Variants in MAP3K8 observed in about 807,000 individuals in gnomAD.
The protein encoded by MAP3K8 is mitogen-activated protein kinase kinase kinase 8, also known as Ewing sarcoma transformant.
Under a neutral mutation model 45.8 loss-of-function variants are expected in MAP3K8, and 22 were observed. That is an observed-to-expected ratio of 0.48 (90% CI 0.34 to 0.69). The LOEUF (loss-of-function observed/expected upper bound fraction) is 0.69. Ranked by LOEUF, MAP3K8 falls within the 30% of genes least tolerant of loss-of-function variation. The pLI is 0.01. For missense variants in MAP3K8, 419 were observed against 585.0 expected, an observed-to-expected ratio of 0.72 and a Z score of 2.93; for synonymous variants, 223 against 214.3, an observed-to-expected ratio of 1.04 and a Z score of -0.36.
At chr10:30,435,248 A>C (rs1835874352) in intron 1 of MAP3K8, among the ~76,000 whole-genome samples, 1 of 152,188 alleles carries the variant, frequency 6.6e-6, no homozygotes, top group African/African-American at 2.4e-5. Flanking sequence ...GTTGCTTTAC[A>C]TACCTGTGGC....
chr10:30,437,283 G>A lies in MAP3K8; in HGVS notation c.-147G>A, dbSNP rs1835945309. On this transcript the variant is annotated 5_prime_UTR_variant, in exon 2 of 9. Coordinates refer to ENST00000263056, the MANE Select transcript of MAP3K8 (RefSeq NM_005204.4). ...TCTGCAAAGCCAGGAGTCTGACTCA[G>A]TACTTTTCTCACTCATGCATACAAA... 13 of 985,262 alleles carry A rather than the reference G, an allele frequency of 1.3e-5. No individual in the cohort carries two copies. In the South Asian group the frequency reaches 4.2e-4, roughly 32 times the overall value. 61.0% of individuals were successfully genotyped at this position (985,262 alleles called of 1,614,324 possible).
chr10:30,458,273 G>GGC (rs757764630), intron 7 of MAP3K8, 37 bp downstream of exon 7: 17 of 1,364,626 alleles, frequency 1.2e-5, no homozygotes, highest in East Asian at 2.7e-5. Context: ...GGCGGCGGGG[G>GGC]GGGGCGTTGA....
At chr10:30,435,209 T>TA (rs1180267009) in intron 1 of MAP3K8, among the ~76,000 whole-genome samples, 3 of 152,270 alleles carry the variant, frequency 2.0e-5, no homozygotes, top group South Asian at 2.1e-4. Context: ...CTGCTCTTGA[T>TA]AAAAAACAGG....
chr10:30,451,991 C>T (rs575144228), intron 6 of MAP3K8, among the ~76,000 whole-genome samples: 1 of 151,954 alleles, frequency 6.6e-6, no homozygotes, highest in East Asian at 1.9e-4. Flanking sequence ...ATATAATATA[C>T]ATGTTGATAT....
chr10:30,445,042 T>G (rs1836267555), intron 3 of MAP3K8, among the ~76,000 whole-genome samples: 1 of 152,222 alleles, frequency 6.6e-6, no homozygotes, highest in South Asian at 2.1e-4. Flanking sequence ...TACTTAGAAC[T>G]CAACAAATGG....
At chr10:30,438,787 A>G (rs1159073431) in intron 2 of MAP3K8, 129 bp from the exon 3 acceptor site, 1 of 601,866 alleles carries the variant, frequency 1.7e-6, no homozygotes, top group Non-Finnish European at 2.9e-6. Flanking sequence ...CACACAGTTG[A>G]CACAGAACCC....
intron 3 of MAP3K8, among the ~76,000 whole-genome samples, chr10:30,443,246 C>T (rs1381912664): frequency 6.6e-6 from 1 of 152,124 alleles, no homozygotes; most frequent in Non-Finnish European, 1.5e-5. Flanking sequence ...TTTACTCATT[C>T]ATAAAATGGA....
In MAP3K8 at chr10:30,460,940, A is replaced by G. The variant is rs1319013403; in HGVS notation, c.*104A>G. 2.8e-6 allele frequency: 4 copies of G among 1,443,674 alleles called. No homozygotes were observed. The East Asian group carries it at 9.7e-5, about 35-fold the overall frequency. The allele number at this position is 1,443,674 out of a possible 1,614,324, so 89.4% of individuals were successfully genotyped here. ...GTACAGTGAATGGTGCCATTTTCGA[A>G]GGAGCAGTGTGACCTCCTGTGACCC... On this transcript the variant is annotated 3_prime_UTR_variant, in exon 9 of 9. Transcript: ENST00000263056.
chr10:30,437,698 G>C (rs528778538), intron 2 of MAP3K8, among the ~76,000 whole-genome samples: 84 of 152,336 alleles, frequency 5.5e-4, no homozygotes, highest in Non-Finnish European at 8.1e-4. Context: ...GCTGGGTCAT[G>C]CGTGCAGGTG....
At chr10:30,449,222 A>G (rs548827555) in intron 4 of MAP3K8, among the ~76,000 whole-genome samples, 27 of 152,218 alleles carry the variant, frequency 1.8e-4, no homozygotes, top group Admixed American at 1.0e-3. Context: ...CTTGAATGCT[A>G]GTAGACATCT....
In MAP3K8 at chr10:30,443,979, C is replaced by T. The variant is rs184085354; in HGVS notation, c.337-3803C>T. ...CTGAGGCCAGAGGATCACTTGAGCC[C>T]GAGTTTGGGACCAGCCTGGGCAACA... On this transcript the variant is annotated intron_variant, in intron 3 of 8. Transcript: ENST00000263056. 1.6e-4 allele frequency among the ~76,000 whole-genome samples: 24 copies of T among 151,638 alleles called. No homozygotes were observed. In the East Asian group the frequency reaches 4.1e-3, roughly 26 times the overall value.
At chr10:30,449,368 C>T (rs1836457457) in intron 4 of MAP3K8, among the ~76,000 whole-genome samples, 1 of 152,164 alleles carries the variant, frequency 6.6e-6, no homozygotes, top group South Asian at 2.1e-4. Flanking sequence ...CCTCAGCCTC[C>T]CAAGTACCTG....
In MAP3K8 at chr10:30,437,248, T is replaced by C. The variant is rs1835943402; in HGVS notation, c.-182T>C. 1 of 985,326 alleles carries C rather than the reference T, an allele frequency of 1.0e-6. No individual in the cohort carries two copies. The highest frequency in any genetic ancestry group is 1.2e-6 in the Non-Finnish European group (1 of 829,882). 61.0% of individuals were successfully genotyped at this position (985,326 alleles called of 1,614,324 possible). ...CTTGTTTGCAGATAAGAAAGGAAGCTAACGCAGTATCTGCAAAGCCAGGAG... is the reference window on the plus strand; with the variant it reads ...CTTGTTTGCAGATAAGAAAGGAAGCCAACGCAGTATCTGCAAAGCCAGGAG... On this transcript the variant is annotated 5_prime_UTR_variant, in exon 2 of 9. An upstream open reading frame in the 5' UTR loses its in-frame stop. Transcript: ENST00000263056.
At chr10:30,439,475 G>C (rs947770745) in intron 3 of MAP3K8, 6 of 1,150,892 alleles carry the variant, frequency 5.2e-6, no homozygotes, top group Non-Finnish European at 4.8e-6. Context: ...AAAGATTCTT[G>C]ATCATATTTT....
chr10:30,452,953 A>T (rs1564371466), intron 6 of MAP3K8, among the ~76,000 whole-genome samples: 1 of 152,066 alleles, frequency 6.6e-6, no homozygotes, highest in Non-Finnish European at 1.5e-5. Flanking sequence ...TGCTGGGACT[A>T]CAGGTTTGAG....
In MAP3K8 at chr10:30,439,072, G is replaced by A; in HGVS notation, c.134G>A (p.Ser45Asn). 7 of 1,614,214 alleles carry A rather than the reference G, an allele frequency of 4.3e-6. No homozygotes were observed. Among genetic ancestry groups the A allele is most frequent in the Non-Finnish European group, 5.9e-6 (7 of 1,180,036 alleles). The stretch of plus-strand genomic sequence containing the variant: ...GAAGAGCCAGCAGTTTATGAACCCA[G>A]TCTAATGACCATGTGTCAAGACAGT... Reference protein sequence around the residue: ...ASEEPAVYEPSLMTMCQDSNQ... With the variant: ...ASEEPAVYEPNLMTMCQDSNQ... Residue 45 changes from serine (S) to asparagine (N), a missense_variant, in exon 3 of 9, where the codon AGT becomes AAT. By Grantham distance (46) the Ser-to-Asn change is conservative. Transcript: ENST00000263056.
In MAP3K8 at chr10:30,439,559, G is replaced by A. The variant is rs147615870; in HGVS notation, c.336+285G>A. The A allele has an allele frequency of 7.8e-5, 48 of 614,088 alleles. No homozygotes were observed. The Middle Eastern group carries it at 1.8e-3, about 23-fold the overall frequency. 38.0% of individuals were successfully genotyped at this position (614,088 alleles called of 1,614,324 possible). A position where few individuals can be genotyped will look rare whatever the true frequency, so the allele number is the denominator to read the frequency against. ...GTGCAGGGGCTCACGCCTGTAATCC[G>A]CGCACTTGGAGAGGCCGAGGTGGGT... On this transcript the variant is annotated intron_variant, in intron 3 of 8. Transcript: ENST00000263056.
intron 2 of MAP3K8, among the ~76,000 whole-genome samples, chr10:30,437,662 A>C (rs893510895): frequency 2.6e-5 from 4 of 152,228 alleles, no homozygotes; most frequent in African/African-American, 9.6e-5. Flanking sequence ...TTCTTTTGTC[A>C]AATGAAATTC....
At chr10:30,447,529 C>T (rs1233582833) in intron 3 of MAP3K8, among the ~76,000 whole-genome samples, 1 of 152,102 alleles carries the variant, frequency 6.6e-6, no homozygotes, top group Non-Finnish European at 1.5e-5. Context: ...TTCTATTTGG[C>T]AATTAATTAC....
Sources: allele counts gnomAD v4.1 joint callset (sites outside exome capture counted in the v4.1 genomes callset), GRCh38; gene constraint gnomAD v4.1.1; transcripts MANE v1.5; gene names NCBI Gene and HGNC (gene_info 2026-07-23, HGNC 2026-07-21).